The following DSE variants were observed in gnomAD, a reference collection of about 807,000 sequenced individuals.
DSE encodes the protein dermatan-sulfate epimerase.
A neutral mutation model predicts 84.4 loss-of-function variants in DSE; 36 were observed. The ratio of observed to expected loss-of-function variants is 0.43; its 90% CI spans 0.33 to 0.56. The LOEUF is 0.56. Among genes scored for constraint, DSE ranks in the 20% least tolerant of loss-of-function variants. The pLI, the probability that DSE is intolerant of heterozygous loss-of-function variation, is 0.06. For synonymous variants in DSE, 410 were observed against 430.1 expected, an observed-to-expected ratio of 0.95 and a Z score of 0.58; for missense variants, 862 against 1,169.6, an observed-to-expected ratio of 0.74 and a Z score of 3.84.
chr6:116,334,296 G>A (rs917366154), intron 2 of DSE, among the ~76,000 whole-genome samples: 1 of 152,136 alleles, frequency 6.6e-6, no homozygotes, highest in Non-Finnish European at 1.5e-5. Context: ...CTACCTTCTA[G>A]CAGAGTTAAG....
Position 116,399,452 on chromosome 6 carries a change from G to T in DSE, c.202G>T (p.Ala68Ser). Residue 68 changes from alanine to serine, a missense_variant, in exon 2 of 6, where the codon GCA (alanine) becomes TCA (serine). Physicochemically the swap from Ala to Ser is moderately conservative, Grantham distance 99 (BLOSUM62 1). This residue lies in a region of DSE where 309 missense variants were observed against 516.9 expected (regional missense o/e 0.60). Coordinates refer to ENST00000644252, the MANE Select transcript of DSE (RefSeq NM_013352.4). ...LRAASSHEHIAARLTEAVHTM... is the reference protein window; with the variant it reads ...LRAASSHEHISARLTEAVHTM... ...GGCTGCCAGCTCGCACGAGCACATT[G>T]CAGCCCGCCTCACGGAGGCTGTGCA... is the stretch of plus-strand genomic sequence containing the variant. The T allele has an allele frequency of 6.2e-7, 1 of 1,614,268 alleles. No individual in the cohort carries two copies. Among genetic ancestry groups the T allele is most frequent in the Non-Finnish European group, 8.5e-7 (1 of 1,180,054 alleles).
chr6:116,381,819 C>T (rs1427720423), intron 1 of DSE, among the ~76,000 whole-genome samples: 3 of 152,138 alleles, frequency 2.0e-5, no homozygotes, highest in African/African-American at 7.2e-5. Context: ...CAAAGTACTG[C>T]AGACAAGGTG....
At chr6:116,435,167 G>A (rs1203291996) in intron 5 of DSE, among the ~76,000 whole-genome samples, 1 of 152,170 alleles carries the variant, frequency 6.6e-6, no homozygotes, top group Non-Finnish European at 1.5e-5. Context: ...AGTTACTGCA[G>A]AACTATACTT....
At chr6:116,432,516 A>G (rs1398284300) in intron 4 of DSE, 2 of 152,226 alleles carry the variant, frequency 1.3e-5, no homozygotes, top group Admixed American at 1.3e-4. Flanking sequence ...CTAAATTATT[A>G]GGAACAAAAA....
At chr6:116,363,347 AATATAC>A (rs1779005975) in intron 2 of DSE, among the ~76,000 whole-genome samples, 2 of 149,568 alleles carry the variant, frequency 1.3e-5, no homozygotes, top group African/African-American at 5.1e-5. Flanking sequence ...GAGATTTTAA[AATATAC>A]ATATATATAC....
intron 1 of DSE, among the ~76,000 whole-genome samples, chr6:116,386,129 GCTTCAACAGCAACATTCTTAGT>G (rs2114960722): frequency 6.6e-6 from 1 of 152,258 alleles, no homozygotes; most frequent in African/African-American, 2.4e-5. Context: ...TTTGTCCTTT[GCTTCAACAGCAACATTCTTAGT>G]CATTTTTCTG....
chr6:116,427,181 G>A (rs747557449), intron 3 of DSE, among the ~76,000 whole-genome samples: 39 of 152,154 alleles, frequency 2.6e-4, no homozygotes, highest in Non-Finnish European at 4.7e-4. Context: ...CACATGGTTG[G>A]TTATTTGAAA....
intron 2 of DSE, among the ~76,000 whole-genome samples, chr6:116,416,046 G>T (rs1029477169): frequency 1.3e-5 from 2 of 152,104 alleles, no homozygotes; most frequent in Non-Finnish European, 2.9e-5. Flanking sequence ...CTAGCTTTTG[G>T]AGTTCACATA....
At chr6:116,430,293 G>A (rs988477130) in intron 3 of DSE, among the ~76,000 whole-genome samples, 12 of 152,194 alleles carry the variant, frequency 7.9e-5, no homozygotes, top group Admixed American at 5.9e-4. Flanking sequence ...TGTCCGTTTA[G>A]CGTTTATAAT....
intron 2 of DSE, among the ~76,000 whole-genome samples, chr6:116,413,441 C>G (rs752890486): frequency 6.6e-6 from 1 of 152,156 alleles, no homozygotes; most frequent in Admixed American, 6.5e-5. Context: ...TTAAGATGCC[C>G]TCTTTATTCT....
At chr6:116,398,468 G>A (rs191420891) in intron 1 of DSE, among the ~76,000 whole-genome samples, 1 of 152,308 alleles carries the variant, frequency 6.6e-6, no homozygotes, top group African/African-American at 2.4e-5. Flanking sequence ...ATGCACCCGT[G>A]TTATTTCAGC....
At position 116,279,619 on chromosome 6, in the gene DSE, G is replaced by A. The variant is rs768428571; in HGVS notation, c.-54+20652G>A. On this transcript the variant is annotated intron_variant, in intron 2 of 3. Transcript: ENST00000430252. The stretch of plus-strand genomic sequence containing the variant: ...ACCGCCACGGCCCGCGGCATCCTGG[G>A]GTACGCCCCCCTCCTCTGAAGGCGG... The A allele has an allele frequency of 2.5e-6, 4 of 1,603,050 alleles. No homozygotes were observed. The East Asian group carries it at 6.7e-5, about 27-fold the overall frequency.
intron 2 of DSE, among the ~76,000 whole-genome samples, chr6:116,285,932 T>C (rs1431939938): frequency 6.6e-6 from 1 of 152,180 alleles, no homozygotes; most frequent in East Asian, 1.9e-4. Flanking sequence ...AGCCTTGTAG[T>C]ATAGTTTGAA....
chr6:116,294,435 T>C (rs937528726), intron 2 of DSE, among the ~76,000 whole-genome samples: 2 of 152,238 alleles, frequency 1.3e-5, no homozygotes, highest in African/African-American at 4.8e-5. Context: ...AACAGATTCA[T>C]TGTAAAATAG....
intron 1 of DSE, among the ~76,000 whole-genome samples, chr6:116,371,919 A>G (rs1489842693): frequency 1.3e-5 from 2 of 152,186 alleles, no homozygotes; most frequent in African/African-American, 4.8e-5. Context: ...TGGCATTCAG[A>G]TGGAAACCGA....
At chr6:116,429,756 G>GA (rs1783693456) in intron 3 of DSE, among the ~76,000 whole-genome samples, 2 of 67,986 alleles carry the variant, frequency 2.9e-5, no homozygotes, top group Non-Finnish European at 6.0e-5. Context: ...AGACCATCCT[G>GA]GCTAACACGG....
intron 2 of DSE, among the ~76,000 whole-genome samples, chr6:116,348,982 G>A (rs61655621): frequency 0.2 from 30,364 of 151,740 alleles, 3,323 homozygotes; most frequent in East Asian, 0.29. Flanking sequence ...GTGGGTGGAG[G>A]GGGGAGGGAT....
At chr6:116,394,535 A>G (rs1781119076) in intron 1 of DSE, among the ~76,000 whole-genome samples, 1 of 152,080 alleles carries the variant, frequency 6.6e-6, no homozygotes, top group African/African-American at 2.4e-5. Flanking sequence ...TCCTGAGCTC[A>G]AGCAATCCTC....
At chr6:116,426,972 G>A (rs1374344485) in intron 3 of DSE, 145 bp downstream of exon 3, 3 of 1,070,024 alleles carry the variant, frequency 2.8e-6, no homozygotes, top group East Asian at 5.2e-5. Flanking sequence ...AGTCCCTACA[G>A]TATCACTTAG....
Sources: allele counts gnomAD v4.1 joint callset (sites outside exome capture counted in the v4.1 genomes callset), GRCh38; gene constraint gnomAD v4.1.1; regional missense constraint gnomAD v4.1.1; transcripts MANE v1.5; gene names NCBI Gene and HGNC (gene_info 2026-07-23, HGNC 2026-07-21).